The following PHLPP2 variants were observed in gnomAD, a reference collection of about 807,000 sequenced individuals.
PHLPP2 encodes PH domain leucine-rich repeat-containing protein phosphatase 2.
PHLPP2 carries 66 observed loss-of-function variants against 124.9 expected under a neutral mutation model. That is an observed-to-expected ratio of 0.53 (90% CI 0.43 to 0.65). The LOEUF (loss-of-function observed/expected upper bound fraction) is 0.65. Ranked by LOEUF, PHLPP2 falls within the 30% of genes least tolerant of loss-of-function variation. The probability of loss-of-function intolerance (pLI) is 0.00; values close to 1 mark genes in which losing one functional copy is unlikely to be tolerated. For missense variants in PHLPP2, 1,685 were observed against 1,600.4 expected, an observed-to-expected ratio of 1.05 and a Z score of -0.90; for synonymous variants, 681 against 624.7, an observed-to-expected ratio of 1.09 and a Z score of -1.34.
At chr16:71,711,158 C>T (rs1371414746) in intron 2 of PHLPP2, among the ~76,000 whole-genome samples, 2 of 151,836 alleles carry the variant, frequency 1.3e-5, no homozygotes, top group African/African-American at 2.4e-5. Flanking sequence ...GGAGAAACCC[C>T]GTCTCTACTA....
At chr16:71,651,097 T>G (rs554151048) in intron 18 of PHLPP2, among the ~76,000 whole-genome samples, 2 of 152,320 alleles carry the variant, frequency 1.3e-5, no homozygotes, top group East Asian at 3.9e-4. Context: ...CCTAGCACTT[T>G]GGGAGGCCGA....
intron 1 of PHLPP2, chr16:71,723,739 G>A: frequency 6.3e-6 from 7 of 1,116,090 alleles, no homozygotes; most frequent in South Asian, 1.7e-5. Flanking sequence ...TCGCCCGCTC[G>A]CTCGCTCGCT....
At chr16:71,654,286 CCT>C (rs144690760) in intron 17 of PHLPP2, among the ~76,000 whole-genome samples, 2,095 of 150,752 alleles carry the variant, frequency 0.014, 37 homozygotes, top group African/African-American at 0.047. Context: ...TGACAAACAA[CCT>C]CTCAGTTGTT....
chr16:71,654,312 G>A (rs962927821), intron 17 of PHLPP2, among the ~76,000 whole-genome samples: 3 of 151,070 alleles, frequency 2.0e-5, no homozygotes, highest in African/African-American at 7.3e-5. Flanking sequence ...ATCCTTTATC[G>A]GTCCACCTGA....
At chr16:71,676,718 T>A (rs2044949576) in intron 8 of PHLPP2, 69 bp from the exon 9 acceptor site, 12 of 1,165,670 alleles carry the variant, frequency 1.0e-5, no homozygotes, top group African/African-American at 3.1e-5. Flanking sequence ...AGAATAAAAA[T>A]AAAAAATAGG....
rs2044867339 is a variant in PHLPP2, at chr16:71,669,162, A to T, written c.1628+113T>A. The T allele has an allele frequency of 1.5e-5, 10 of 654,414 alleles. No homozygotes were observed. In the Admixed American group the frequency reaches 1.9e-4, roughly 13 times the overall value. The allele number at this position is 654,414 out of a possible 1,614,324, so 40.5% of individuals were successfully genotyped here. On this transcript the variant is annotated intron_variant, in intron 11 of 18. Transcript: ENST00000568954. ...CACATCACACTGCCTCATGCTCAGC[A>T]GGTACTCAACACACTGAACAAATAA... is the stretch of plus-strand genomic sequence containing the variant.
At chr16:71,664,902 A>G (rs1460137150) in intron 12 of PHLPP2, among the ~76,000 whole-genome samples, 1 of 152,208 alleles carries the variant, frequency 6.6e-6, no homozygotes, top group Admixed American at 6.5e-5. Context: ...TTGTATCCTT[A>G]ACCAATTACT....
intron 7 of PHLPP2, 115 bp from the exon 8 acceptor site, chr16:71,679,100 A>C (rs745697033): frequency 1.5e-6 from 1 of 661,154 alleles, no homozygotes; most frequent in African/African-American, 1.8e-5. Flanking sequence ...CCAAAATAGT[A>C]AAGTGTCCTA....
At chr16:71,710,948 A>C (rs2045319774) in intron 2 of PHLPP2, among the ~76,000 whole-genome samples, 1 of 152,212 alleles carries the variant, frequency 6.6e-6, no homozygotes, top group Admixed American at 6.5e-5. Flanking sequence ...GCTGCATATT[A>C]TGTCTCAATT....
chr16:71,645,085 T>C lies in PHLPP2; in HGVS notation c.*3805A>G, dbSNP rs951900958. Reference sequence around the variant, plus strand: ...TATCAAAAATACACTATAATGAGTCTTAAGACTACAATACGACAATGATTG... The same window carrying C: ...TATCAAAAATACACTATAATGAGTCCTAAGACTACAATACGACAATGATTG... On this transcript the variant is annotated 3_prime_UTR_variant, in exon 19 of 19. Coordinates refer to ENST00000568954, the MANE Select transcript of PHLPP2 (RefSeq NM_015020.3). 1.2e-5 allele frequency: 3 copies of C among 249,010 alleles called. No individual in the cohort carries two copies. Among genetic ancestry groups the C allele is most frequent in the Admixed American group, 5.5e-5 (1 of 18,332 alleles). 15.4% of individuals were successfully genotyped at this position (249,010 alleles called of 1,614,324 possible).
At chr16:71,659,965 C>T (rs1250403450) in intron 13 of PHLPP2, among the ~76,000 whole-genome samples, 1 of 151,454 alleles carries the variant, frequency 6.6e-6, no homozygotes, top group African/African-American at 2.4e-5. Flanking sequence ...TTTCATATAA[C>T]ATATCATAAA....
intron 2 of PHLPP2, among the ~76,000 whole-genome samples, chr16:71,713,753 TACTC>T (rs988939864): frequency 1.3e-5 from 2 of 152,128 alleles, no homozygotes; most frequent in South Asian, 2.1e-4. Context: ...TAGAGACACA[TACTC>T]ACGCATGGGC....
At chr16:71,705,460 C>T (rs1172657186) in intron 2 of PHLPP2, among the ~76,000 whole-genome samples, 1 of 152,114 alleles carries the variant, frequency 6.6e-6, no homozygotes, top group Admixed American at 6.6e-5. Flanking sequence ...CCTAAAAAGG[C>T]TCTGTAGATT....
chr16:71,666,964 T>C (rs2044844903), intron 12 of PHLPP2, among the ~76,000 whole-genome samples: 1 of 152,226 alleles, frequency 6.6e-6, no homozygotes, highest in Non-Finnish European at 1.5e-5. Context: ...GAAACCTCTT[T>C]AAGGATTTAA....
In PHLPP2 at chr16:71,646,444, A is replaced by T. The variant is rs1302921464; in HGVS notation, c.*2446T>A. ...GTTCTGCTGACTAAAAAATAAATAC[A>T]TTTACTTTTGGTAAGGTCATTTCAG... is the stretch of plus-strand genomic sequence containing the variant. On this transcript the variant is annotated 3_prime_UTR_variant, in exon 19 of 19. Coordinates refer to ENST00000568954, the MANE Select transcript of PHLPP2 (RefSeq NM_015020.3). The T allele has an allele frequency of 2.0e-5, 3 of 152,192 alleles. No individual in the cohort carries two copies. Among genetic ancestry groups the T allele is most frequent in the Non-Finnish European group, 2.9e-5 (2 of 68,038 alleles). 9.4% of individuals were successfully genotyped at this position (152,192 alleles called of 1,614,324 possible).
chr16:71,701,312 CTATA>C (rs1480740558), intron 3 of PHLPP2, among the ~76,000 whole-genome samples: 18 of 68,710 alleles, frequency 2.6e-4, no homozygotes, highest in East Asian at 1.2e-3. Context: ...ATCTATCTAT[CTATA>C]TATCTATCTA....
chr16:71,668,100 T>C (rs1406959508), intron 11 of PHLPP2, among the ~76,000 whole-genome samples: 1 of 152,110 alleles, frequency 6.6e-6, no homozygotes, highest in East Asian at 1.9e-4. Flanking sequence ...ATTTAATTTA[T>C]ACAGTGTAGT....
chr16:71,665,861 G>A (rs527795496), intron 12 of PHLPP2, among the ~76,000 whole-genome samples: 49 of 152,188 alleles, frequency 3.2e-4, no homozygotes, highest in South Asian at 1.2e-3. Flanking sequence ...CTTTAAATAC[G>A]TTTTAGAATT....
Position 71,669,385 on chromosome 16 carries a change from T to C in PHLPP2, c.1533-15A>G, listed in dbSNP as rs369658423. 137 of 1,558,718 alleles carry C rather than the reference T, an allele frequency of 8.8e-5. No homozygotes were observed. Among genetic ancestry groups the C allele is most frequent in the Non-Finnish European group, 9.3e-5 (106 of 1,134,312 alleles). ...CTAGCAGGTTTCTGCAGAAAATAAA[T>C]AATTAAATGGCACCATTTAAGATGA... On this transcript the variant is annotated splice_polypyrimidine_tract_variant and intron_variant, in intron 10 of 18. Coordinates refer to ENST00000568954, the MANE Select transcript of PHLPP2 (RefSeq NM_015020.3).
Sources: gnomAD v4.1 joint callset for allele counts (sites outside exome capture counted in the v4.1 genomes callset) on GRCh38, gnomAD v4.1.1 for gene constraint, MANE v1.5 for transcripts, NCBI Gene and HGNC (gene_info 2026-07-23, HGNC 2026-07-21) for gene names.